HECTD4: variants seen among roughly 807,000 people sequenced by gnomAD.
HECTD4 encodes the protein HECT domain E3 ubiquitin protein ligase 4, also known as probable E3 ubiquitin-protein ligase HECTD4.
HECTD4 carries 114 observed loss-of-function variants against 471.5 expected under a neutral mutation model. The ratio of observed to expected loss-of-function variants is 0.24; its 90% CI spans 0.21 to 0.28. The LOEUF (loss-of-function observed/expected upper bound fraction) is 0.28. Ranked by LOEUF, HECTD4 falls within the 10% of genes least tolerant of loss-of-function variation. The probability of loss-of-function intolerance (pLI) is 1.00; values close to 1 mark genes in which losing one functional copy is unlikely to be tolerated. For synonymous variants in HECTD4, 2,012 were observed against 2,256.0 expected (o/e 0.89, Z 3.07); for missense variants, 3,866 against 5,651.5 (o/e 0.68, Z 10.13).
intron 9 of HECTD4, among the ~76,000 whole-genome samples, chr12:112,276,492 G>C (rs1284748777): frequency 6.6e-6 from 1 of 152,300 alleles, no homozygotes; most frequent in East Asian, 1.9e-4. Context: ...TCTGTCGCCA[G>C]GCTGGAGTGC....
chr12:112,266,076 G>A lies in HECTD4; in HGVS notation c.2393-93C>T, dbSNP rs1037710870. On this transcript the variant is annotated intron_variant, in intron 14 of 75. Coordinates refer to ENST00000682272, the MANE Select transcript of HECTD4 (RefSeq NM_001388303.1). ...AAAGTTTTTAAACAAATAGATTGTC[G>A]GCAAGCTAGGGGCACCAGACATACG... 1.3e-4 allele frequency: 106 copies of A among 808,212 alleles called. No individual in the cohort carries two copies. The East Asian group carries it at 2.5e-3, about 19-fold the overall frequency. 50.1% of individuals were successfully genotyped at this position (808,212 alleles called of 1,614,324 possible). A position where few individuals can be genotyped will look rare whatever the true frequency, so the allele number is the denominator to read the frequency against.
intron 7 of HECTD4, among the ~76,000 whole-genome samples, chr12:112,303,776 G>C (rs1217809964): frequency 6.6e-6 from 1 of 151,334 alleles, no homozygotes; most frequent in Non-Finnish European, 1.5e-5. Flanking sequence ...CCTGAGCCCA[G>C]GAGGTTGAGG....
chr12:112,310,735 A>G (rs1383601722), intron 4 of HECTD4, among the ~76,000 whole-genome samples: 1 of 152,188 alleles, frequency 6.6e-6, no homozygotes, highest in Non-Finnish European at 1.5e-5. Flanking sequence ...TAAAACATTA[A>G]TTTCACACCT....
chr12:112,202,489 A>G (rs1318982289), intron 54 of HECTD4, among the ~76,000 whole-genome samples: 4 of 152,212 alleles, frequency 2.6e-5, no homozygotes, highest in African/African-American at 9.6e-5. Context: ...TACAGGCATG[A>G]GCCACCACAT....
chr12:112,309,916 C>T (rs944357322), intron 4 of HECTD4, among the ~76,000 whole-genome samples: 4 of 152,082 alleles, frequency 2.6e-5, no homozygotes, highest in East Asian at 1.9e-4. Context: ...TGGTTTAGCC[C>T]GCCAAATGTT....
chr12:112,370,993 G>A (rs1393106635), intron 1 of HECTD4, among the ~76,000 whole-genome samples: 2 of 152,150 alleles, frequency 1.3e-5, no homozygotes, highest in Non-Finnish European at 2.9e-5. Flanking sequence ...AAAACAAGAG[G>A]GAAAGGTGGG....
chr12:112,312,223 G>A (rs1478766071), intron 4 of HECTD4, among the ~76,000 whole-genome samples: 1 of 152,142 alleles, frequency 6.6e-6, no homozygotes, highest in Non-Finnish European at 1.5e-5. Context: ...ACTATTTCCT[G>A]GGTTTTTTTA....
At chr12:112,333,975 A>C (rs1473260239) in intron 1 of HECTD4, among the ~76,000 whole-genome samples, 1 of 151,992 alleles carries the variant, frequency 6.6e-6, no homozygotes, top group Non-Finnish European at 1.5e-5. Context: ...TTGGGACCCC[A>C]AGGTGGGTGG....
Position 112,184,218 on chromosome 12 carries a change from G to T in HECTD4, c.10748C>A (p.Ala3583Asp). Residue 3583 changes from alanine (A) to aspartate (D), a missense_variant, in exon 61 of 76, where the codon GCC becomes GAC. Transcript: ENST00000682272. The surrounding 1 kb of genome is among the most constrained non-coding windows in gnomAD (Gnocchi z 9.1). The part of the protein sequence containing the change: ...VTSLDNQPLA[A>D]RPIKGFAVVE... Reference sequence around the variant, plus strand: ...GACTGCGAAGCCTTTGATGGGGCGGGCGGCGAGGGGCTGGTTGTCCAGGGA... The same window carrying T: ...GACTGCGAAGCCTTTGATGGGGCGGTCGGCGAGGGGCTGGTTGTCCAGGGA... 1 of 1,612,788 alleles carries T rather than the reference G, an allele frequency of 6.2e-7. No individual in the cohort carries two copies. Among genetic ancestry groups the T allele is most frequent in the Non-Finnish European group, 8.5e-7 (1 of 1,179,474 alleles).
At position 112,355,417 on chromosome 12, in the gene HECTD4, C is replaced by T. The variant is rs550506094; in HGVS notation, c.177+26535G>A. Among the ~76,000 whole-genome samples, 37 of 150,484 alleles carry T rather than the reference C, an allele frequency of 2.5e-4. 2 individuals are homozygous for T. The South Asian group carries it at 6.5e-3, about 27-fold the overall frequency. On this transcript the variant is annotated intron_variant, in intron 1 of 75. Coordinates refer to ENST00000682272, the MANE Select transcript of HECTD4 (RefSeq NM_001388303.1). ...CGGAGGTTGCAGTAGGCTGATACCG[C>T]GCCACTGCACTCCAGCCTGGGCGAC... is the stretch of plus-strand genomic sequence containing the variant.
chr12:112,308,645 C>G, intron 6 of HECTD4, 108 bp downstream of exon 6: 2 of 1,059,402 alleles, frequency 1.9e-6, no homozygotes, highest in Non-Finnish European at 2.6e-6. Flanking sequence ...AAGGATGCCA[C>G]TCTGGGAGGA....
rs546159441 is a variant in HECTD4, at chr12:112,327,816, T to C, written c.178-8074A>G. ...TTTGGCAGCAGTTAATTTCAAATAA[T>C]GTAGAGCTGATTATGTTCCTGGTTA... On this transcript the variant is annotated intron_variant, in intron 1 of 75. Coordinates refer to ENST00000682272, the MANE Select transcript of HECTD4 (RefSeq NM_001388303.1). 1.6e-4 allele frequency among the ~76,000 whole-genome samples: 24 copies of C among 152,314 alleles called. No individual in the cohort carries two copies. The South Asian group carries it at 5.0e-3, about 32-fold the overall frequency.
At chr12:112,175,497 C>T (rs2031406385) in intron 66 of HECTD4, among the ~76,000 whole-genome samples, 2 of 152,218 alleles carry the variant, frequency 1.3e-5, no homozygotes, top group Non-Finnish European at 2.9e-5. Context: ...GGTGTCCTGT[C>T]ACGGCAGCCC....
intron 1 of HECTD4, among the ~76,000 whole-genome samples, chr12:112,366,011 G>A (rs1225197261): frequency 6.6e-6 from 1 of 151,938 alleles, no homozygotes; most frequent in African/African-American, 2.4e-5. Context: ...CCTGGGCTCA[G>A]GCGATCCACC....
At chr12:112,276,991 G>A (rs1594001675) in intron 9 of HECTD4, among the ~76,000 whole-genome samples, 2 of 152,262 alleles carry the variant, frequency 1.3e-5, no homozygotes, top group South Asian at 2.1e-4. Context: ...AGATGAGAAC[G>A]TAAAATGGTA....
At chr12:112,279,668 CA>C (rs1311539373) in intron 8 of HECTD4, among the ~76,000 whole-genome samples, 1 of 152,054 alleles carries the variant, frequency 6.6e-6, no homozygotes, top group African/African-American at 2.4e-5. Flanking sequence ...CAAATTATTC[CA>C]AAAAAATAAA....
chr12:112,305,408 C>G (rs1230105237), intron 7 of HECTD4, among the ~76,000 whole-genome samples: 1 of 152,116 alleles, frequency 6.6e-6, no homozygotes, highest in Non-Finnish European at 1.5e-5. Context: ...GTGTGGTATC[C>G]TCTTTCTGGA....
intron 26 of HECTD4, 21 bp downstream of exon 26, chr12:112,248,299 C>A (rs373192768): frequency 6.4e-7 from 1 of 1,557,528 alleles, no homozygotes; most frequent in Non-Finnish European, 8.7e-7. Flanking sequence ...AAATTGTTTC[C>A]AACAGTTATC....
At chr12:112,261,978 G>A (rs914513767) in intron 17 of HECTD4, 3 of 152,340 alleles carry the variant, frequency 2.0e-5, no homozygotes. Context: ...TTCAATTAAA[G>A]TAGCAAGCAG....
Sources: allele counts gnomAD v4.1 joint callset (sites outside exome capture counted in the v4.1 genomes callset), GRCh38; gene constraint gnomAD v4.1.1; non-coding constraint Gnocchi (gnomAD v3.1); transcripts MANE v1.5; gene names NCBI Gene and HGNC (gene_info 2026-07-23, HGNC 2026-07-21).